SFMBT2: variants seen among roughly 807,000 people sequenced by gnomAD.
The protein encoded by SFMBT2 is Scm like with four mbt domains 2, also known as scm-like with four MBT domains protein 2.
A neutral mutation model predicts 110.1 loss-of-function variants in SFMBT2; 38 were observed. The ratio of observed to expected loss-of-function variants is 0.35; its 90% CI spans 0.27 to 0.45. SFMBT2 has a LOEUF of 0.45. Ranked by LOEUF, SFMBT2 falls within the 20% of genes least tolerant of loss-of-function variation. The pLI, the probability that SFMBT2 is intolerant of heterozygous loss-of-function variation, is 1.00. For missense variants in SFMBT2, 1,011 were observed against 1,094.9 expected, an observed-to-expected ratio of 0.92 and a Z score of 1.08; for synonymous variants, 425 against 425.4, an observed-to-expected ratio of 1.00 and a Z score of 0.01.
intron 4 of SFMBT2, among the ~76,000 whole-genome samples, chr10:7,350,060 G>A (rs1255385511): frequency 6.6e-6 from 1 of 152,124 alleles, no homozygotes; most frequent in Non-Finnish European, 1.5e-5. Context: ...GGCCCCGGGA[G>A]GCACTGCCCA....
chr10:7,388,907 T>C (rs934344682), intron 1 of SFMBT2, among the ~76,000 whole-genome samples: 1 of 152,034 alleles, frequency 6.6e-6, no homozygotes, highest in Non-Finnish European at 1.5e-5. Flanking sequence ...CAGGGAGCCA[T>C]AGGCGAGATG....
At chr10:7,285,607 C>G (rs1842062202) in intron 5 of SFMBT2, 2 of 425,574 alleles carry the variant, frequency 4.7e-6, no homozygotes, top group Non-Finnish European at 8.7e-6. Context: ...GACATCCTAG[C>G]ATATTGTGAT....
intron 4 of SFMBT2, among the ~76,000 whole-genome samples, chr10:7,308,129 A>G (rs1842747928): frequency 6.6e-6 from 1 of 152,196 alleles, no homozygotes; most frequent in Non-Finnish European, 1.5e-5. Context: ...CTGAAGCAGA[A>G]GGACTCCTTC....
intron 4 of SFMBT2, among the ~76,000 whole-genome samples, chr10:7,322,344 T>C (rs142634349): frequency 1.3e-5 from 2 of 152,278 alleles, no homozygotes; most frequent in African/African-American, 4.8e-5. Context: ...AACCTCTTAT[T>C]TATTTATAAA....
intron 11 of SFMBT2, among the ~76,000 whole-genome samples, chr10:7,208,582 A>C (rs1168719316): frequency 2.0e-5 from 3 of 151,758 alleles, no homozygotes; most frequent in African/African-American, 7.3e-5. Flanking sequence ...GCTACTTGGG[A>C]GGCTGAGGCA....
intron 4 of SFMBT2, among the ~76,000 whole-genome samples, chr10:7,360,736 A>T (rs1490625766): frequency 6.6e-6 from 1 of 152,184 alleles, no homozygotes; most frequent in African/African-American, 2.4e-5. Context: ...TGTCACACAC[A>T]TCTACAAGCC....
At chr10:7,255,616 T>G (rs1346875744) in intron 7 of SFMBT2, among the ~76,000 whole-genome samples, 1 of 152,218 alleles carries the variant, frequency 6.6e-6, no homozygotes, top group African/African-American at 2.4e-5. Flanking sequence ...CAGGCTACTG[T>G]GGCAATGTCT....
chr10:7,363,589 G>A (rs1422951317), intron 4 of SFMBT2, among the ~76,000 whole-genome samples: 6 of 152,012 alleles, frequency 3.9e-5, no homozygotes, highest in African/African-American at 1.2e-4. Flanking sequence ...CTCGTGATCC[G>A]CCCGCATCGG....
intron 4 of SFMBT2, among the ~76,000 whole-genome samples, chr10:7,350,874 T>G (rs10795542): frequency 0.41 from 62,273 of 152,060 alleles, 13,307 homozygotes; most frequent in East Asian, 0.68. Context: ...AATCAATTAT[T>G]CTGCTTTACT....
At chr10:7,304,912 C>G (rs1199319648) in intron 4 of SFMBT2, among the ~76,000 whole-genome samples, 1 of 152,170 alleles carries the variant, frequency 6.6e-6, no homozygotes, top group Non-Finnish European at 1.5e-5. Context: ...AGAAACAGGA[C>G]AGTTGCACCC....
chr10:7,210,632 G>A (rs1461625547), intron 11 of SFMBT2, among the ~76,000 whole-genome samples: 1 of 152,256 alleles, frequency 6.6e-6, no homozygotes, highest in African/African-American at 2.4e-5. Context: ...AGGCTTGAGT[G>A]TGAGATGAAC....
Position 7,195,124 on chromosome 10 carries a change from C to G in SFMBT2, c.1698+2424G>C, listed in dbSNP as rs143183888. Among the ~76,000 whole-genome samples the G allele has an allele frequency of 1.3e-3, 204 of 152,318 alleles. 1 individual carries two copies. The East Asian group carries it at 0.031, about 23-fold the overall frequency. On this transcript the variant is annotated intron_variant, in intron 15 of 20. Coordinates refer to ENST00000397167, the MANE Select transcript of SFMBT2 (RefSeq NM_001387889.1). The stretch of plus-strand genomic sequence containing the variant: ...AGAAATACAGGCAGACAACATTGCC[C>G]TAGTGGAAATCCATTCACAGACTGA...
At chr10:7,249,909 G>A (rs1239845421) in intron 7 of SFMBT2, among the ~76,000 whole-genome samples, 1 of 152,146 alleles carries the variant, frequency 6.6e-6, no homozygotes, top group Admixed American at 6.5e-5. Context: ...CTGGGGCCAT[G>A]TCCAAAGAGG....
intron 12 of SFMBT2, 176 bp from the exon 13 acceptor site, chr10:7,202,698 G>A (rs1206798816): frequency 3.0e-6 from 3 of 985,184 alleles, no homozygotes; most frequent in East Asian, 1.1e-4. Context: ...TAGGATAGAC[G>A]TTAACTCACC....
At chr10:7,344,902 T>C (rs1588466193) in intron 4 of SFMBT2, among the ~76,000 whole-genome samples, 1 of 133,650 alleles carries the variant, frequency 7.5e-6, no homozygotes, top group East Asian at 2.1e-4. Context: ...GAGCTTGCAG[T>C]GAGCCGAGAT....
intron 11 of SFMBT2, among the ~76,000 whole-genome samples, chr10:7,217,714 G>A (rs1021335314): frequency 6.6e-6 from 1 of 152,212 alleles, no homozygotes; most frequent in Non-Finnish European, 1.5e-5. Context: ...GTGGGAGCCA[G>A]TGTGTGCGGC....
At chr10:7,379,439 A>T (rs1218257645) in intron 2 of SFMBT2, among the ~76,000 whole-genome samples, 3 of 151,772 alleles carry the variant, frequency 2.0e-5, no homozygotes, top group Non-Finnish European at 2.9e-5. Flanking sequence ...GTAAAAAAAA[A>T]ATAAGCTACT....
chr10:7,357,594 A>G (rs1250479963), intron 4 of SFMBT2, among the ~76,000 whole-genome samples: 1 of 152,176 alleles, frequency 6.6e-6, no homozygotes, highest in African/African-American at 2.4e-5. Flanking sequence ...ACATGTTCCT[A>G]AACATAAAAT....
chr10:7,176,507 C>G, intron 16 of SFMBT2: 3 of 985,276 alleles, frequency 3.0e-6, no homozygotes, highest in Non-Finnish European at 3.6e-6. Flanking sequence ...TTAGTGAAAT[C>G]GAATGGGTAT....
Sources: gnomAD v4.1 joint callset for allele counts (sites outside exome capture counted in the v4.1 genomes callset) on GRCh38, gnomAD v4.1.1 for gene constraint, MANE v1.5 for transcripts, NCBI Gene and HGNC (gene_info 2026-07-23, HGNC 2026-07-21) for gene names.